USH2A: variants seen among roughly 807,000 people sequenced by gnomAD.
USH2A encodes the protein usherin.
A neutral mutation model predicts 538.9 loss-of-function variants in USH2A; 443 were observed. That is an observed-to-expected ratio of 0.82 (90% CI 0.76 to 0.89). USH2A has a LOEUF of 0.89. USH2A is among the 40% of genes least tolerant of loss of function. The pLI is 0.00. For missense variants in USH2A, 6,633 were observed against 6,324.8 expected (o/e 1.05, Z -1.65); for synonymous variants, 2,413 against 2,273.5 (o/e 1.06, Z -1.75).
At chr1:215,755,514 C>A (rs1660765768) in intron 58 of USH2A, among the ~76,000 whole-genome samples, 1 of 152,170 alleles carries the variant, frequency 6.6e-6, no homozygotes, top group Non-Finnish European at 1.5e-5. Context: ...ATAAAATCAA[C>A]TGTAGATTAT....
intron 11 of USH2A, among the ~76,000 whole-genome samples, chr1:216,280,267 A>C (rs1319975839): frequency 2.0e-5 from 3 of 152,046 alleles, no homozygotes; most frequent in Non-Finnish European, 2.9e-5. Flanking sequence ...ATGTACCTGA[A>C]CTAATAACCC....
In USH2A at chr1:215,624,301, C is replaced by T. The variant is rs1375675606; in HGVS notation, c.*1480G>A. ...GTCAGTCTGAGGAGCTGCTCTCTCA[C>T]AGAGCTAGATGAAATCTCAATACCC... On this transcript the variant is annotated 3_prime_UTR_variant, in exon 72 of 72. Coordinates refer to ENST00000307340, the MANE Select transcript of USH2A (RefSeq NM_206933.4). 1 of 152,150 alleles carries T rather than the reference C, an allele frequency of 6.6e-6. No homozygotes were observed. The highest frequency in any genetic ancestry group is 2.4e-5 in the African/African-American group (1 of 41,428). The allele number at this position is 152,150 out of a possible 1,614,324, so 9.4% of individuals were successfully genotyped here.
intron 35 of USH2A, among the ~76,000 whole-genome samples, chr1:215,989,381 C>A (rs1020412824): frequency 3.3e-5 from 5 of 152,130 alleles, no homozygotes; most frequent in African/African-American, 1.2e-4. Context: ...CCACTAGGAG[C>A]TGCTTCTCTG....
chr1:216,238,560 T>C (rs909726123), intron 13 of USH2A, among the ~76,000 whole-genome samples: 3 of 152,218 alleles, frequency 2.0e-5, no homozygotes, highest in African/African-American at 7.2e-5. Context: ...TTTTAACCTC[T>C]GTTCAAGTTA....
At chr1:215,799,207 C>A in intron 49 of USH2A, 82 bp from the exon 50 acceptor site, 1 of 1,398,134 alleles carries the variant, frequency 7.2e-7, no homozygotes, top group Non-Finnish European at 9.9e-7. Context: ...TCACAATCAT[C>A]TTGCAGATCC....
chr1:216,060,943 A>G lies in USH2A; in HGVS notation c.6049+9158T>C, dbSNP rs180764520. Among the ~76,000 whole-genome samples the G allele has an allele frequency of 3.3e-3, 510 of 152,336 alleles. 1 individual carries two copies. The highest frequency in any genetic ancestry group is 4.0e-3 in the Non-Finnish European group (273 of 68,038). On this transcript the variant is annotated intron_variant, in intron 30 of 71. Coordinates refer to ENST00000307340, the MANE Select transcript of USH2A (RefSeq NM_206933.4). Reference sequence around the variant, plus strand: ...GCTGCAGGAAAAATCAGCAAAAGCTACCCAGAGTTAATTGGAGCCCTTTCA... The same window carrying G: ...GCTGCAGGAAAAATCAGCAAAAGCTGCCCAGAGTTAATTGGAGCCCTTTCA...
At chr1:216,302,452 T>C (rs2037233674) in intron 9 of USH2A, among the ~76,000 whole-genome samples, 1 of 152,124 alleles carries the variant, frequency 6.6e-6, no homozygotes, top group Non-Finnish European at 1.5e-5. Context: ...AAGACAGAAA[T>C]GCCACGTGTT....
intron 32 of USH2A, among the ~76,000 whole-genome samples, chr1:216,011,048 C>G (rs1448091270): frequency 6.6e-6 from 1 of 152,124 alleles, no homozygotes; most frequent in East Asian, 1.9e-4. Context: ...CCTGCTACAG[C>G]ATGGCCTTTT....
chr1:215,648,751 C>T lies in USH2A; in HGVS notation c.14359G>A (p.Ala4787Thr). ...AGGCCATGGAGAGTCTGCTGGGTGG[C>T]CATGCCTTCGGATAGCTGTGGAAGG... Reference protein sequence around the residue: ...GAETVLSEGMATQQTLHGLQA... With the variant: ...GAETVLSEGMTTQQTLHGLQA... Residue 4787 changes from alanine to threonine, a missense_variant, in exon 66 of 72, where the codon GCC (alanine) becomes ACC (threonine). Physicochemically the swap from Ala to Thr is moderately conservative, Grantham distance 58. Coordinates refer to ENST00000307340, the MANE Select transcript of USH2A (RefSeq NM_206933.4). 1 of 1,614,066 alleles carries T rather than the reference C, an allele frequency of 6.2e-7. No homozygotes were observed. Among genetic ancestry groups the T allele is most frequent in the Non-Finnish European group, 8.5e-7 (1 of 1,180,012 alleles).
chr1:216,313,459 G>T (rs2037456679), intron 9 of USH2A, among the ~76,000 whole-genome samples: 1 of 152,174 alleles, frequency 6.6e-6, no homozygotes, highest in African/African-American at 2.4e-5. Flanking sequence ...GGGAGCTGAA[G>T]TTGGAGTTTA....
At chr1:216,090,361 A>G (rs769133716) in intron 22 of USH2A, among the ~76,000 whole-genome samples, 1 of 150,730 alleles carries the variant, frequency 6.6e-6, no homozygotes, top group Non-Finnish European at 1.5e-5. Context: ...TACACATTTA[A>G]TTGGTTCCTG....
chr1:216,133,318 T>C (rs939468767), intron 21 of USH2A, among the ~76,000 whole-genome samples: 2 of 152,224 alleles, frequency 1.3e-5, no homozygotes, highest in African/African-American at 2.4e-5. Flanking sequence ...GGCTAGTTTA[T>C]GTCAAGAGGA....
intron 67 of USH2A, 110 bp from the exon 68 acceptor site, chr1:215,640,844 C>CAAAAAAAAAAAAAAAAAAAAAAA: frequency 2.0e-6 from 1 of 496,052 alleles, no homozygotes; most frequent in Non-Finnish European, 3.1e-6. Context: ...CCAATCCAAA[C>CAAAAAAAAAAAAAAAAAAAAAAA]AAAAAAAAAA....
At chr1:216,305,207 T>C (rs1175685113) in intron 9 of USH2A, among the ~76,000 whole-genome samples, 1 of 152,118 alleles carries the variant, frequency 6.6e-6, no homozygotes, top group Non-Finnish European at 1.5e-5. Flanking sequence ...TGGAGTTAGG[T>C]GCATATATAT....
At chr1:216,374,538 A>G (rs771713759) in intron 3 of USH2A, among the ~76,000 whole-genome samples, 9 of 152,162 alleles carry the variant, frequency 5.9e-5, no homozygotes, top group Non-Finnish European at 1.2e-4. Context: ...TCCACACTGT[A>G]AAAATACAAT....
chr1:216,373,493 A>G (rs115645478), intron 3 of USH2A, among the ~76,000 whole-genome samples: 7 of 152,122 alleles, frequency 4.6e-5, no homozygotes, highest in Non-Finnish European at 7.3e-5. Flanking sequence ...AACTATCTCA[A>G]CGTTACAGGA....
chr1:216,394,691 T>C (rs2039173839), intron 3 of USH2A, among the ~76,000 whole-genome samples: 1 of 147,432 alleles, frequency 6.8e-6, no homozygotes. Flanking sequence ...ATAGTTTACA[T>C]CAACTTAAGG....
chr1:216,336,026 T>C (rs977478422), intron 4 of USH2A, among the ~76,000 whole-genome samples: 1 of 151,434 alleles, frequency 6.6e-6, no homozygotes, highest in Non-Finnish European at 1.5e-5. Flanking sequence ...TTCAACAAAA[T>C]TCTAGTGAAC....
rs759581108 is a variant in USH2A, at chr1:215,878,916, G to T, written c.8406C>A (p.Tyr2802Ter). ...GTAAACTCTCTGTGCACCCTCCAAG[G>T]TACCCATTACCCCCTGAGCAAGCAA... ...TIVACSGGNG[Y>*]LGGCTESLPT... The change falls in exon 42 of 72, where the codon TAC becomes TAA. Residue 2802 changes from tyrosine (Y) to a stop codon, truncating the protein, a stop_gained. Transcript: ENST00000307340. LOFTEE classifies it high-confidence loss of function. 1 of 1,613,974 alleles carries T rather than the reference G, an allele frequency of 6.2e-7. No individual in the cohort carries two copies. The highest frequency in any genetic ancestry group is 8.5e-7 in the Non-Finnish European group (1 of 1,179,968).
Sources: gnomAD v4.1 joint callset for allele counts (sites outside exome capture counted in the v4.1 genomes callset) on GRCh38, gnomAD v4.1.1 for gene constraint, MANE v1.5 for transcripts, NCBI Gene and HGNC (gene_info 2026-07-23, HGNC 2026-07-21) for gene names.